The following SQSTM1 variants were observed in gnomAD, a reference collection of about 807,000 sequenced individuals.
The protein encoded by SQSTM1 is sequestosome 1.
Under a neutral mutation model 45.1 loss-of-function variants are expected in SQSTM1, and 36 were observed. That is an observed-to-expected ratio of 0.80 (90% CI 0.61 to 1.05). The LOEUF (loss-of-function observed/expected upper bound fraction) is 1.05, where lower values mean the gene tolerates loss of function less well. SQSTM1 is among the 50% of genes least tolerant of loss of function. The pLI, the probability that SQSTM1 is intolerant of heterozygous loss-of-function variation, is 0.00. For synonymous variants in SQSTM1, 290 were observed against 244.3 expected (o/e 1.19, Z -1.74); for missense variants, 617 against 607.1 (o/e 1.02, Z -0.17).
At chr5:179,829,514 T>A (rs544991358) in intron 5 of SQSTM1, among the ~76,000 whole-genome samples, 1 of 151,962 alleles carries the variant, frequency 6.6e-6, no homozygotes, top group Non-Finnish European at 1.5e-5. Flanking sequence ...CTCAGTGAGA[T>A]ACAAAAGAGC....
chr5:179,809,304 G>A (rs1286875905), intron 1 of SQSTM1, among the ~76,000 whole-genome samples: 24 of 130,854 alleles, frequency 1.8e-4, no homozygotes, highest in East Asian at 1.6e-3. Context: ...GATTATAGGC[G>A]CCCGCCACCA....
intron 1 of SQSTM1, chr5:179,807,529 C>T (rs1757227391): frequency 2.0e-5 from 3 of 152,372 alleles, no homozygotes; most frequent in Admixed American, 2.0e-4. Context: ...GAGAGCGCCG[C>T]TAACGGGAGC....
intron 7 of SQSTM1, chr5:179,836,167 G>A (rs867993461): frequency 3.5e-6 from 2 of 573,284 alleles, no homozygotes; most frequent in African/African-American, 1.9e-5. Context: ...TGTGACAGGT[G>A]AAATGCCTAT....
Position 179,823,108 on chromosome 5 carries a change from C to T in SQSTM1, c.301+55C>T, listed in dbSNP as rs1757845013. On this transcript the variant is annotated intron_variant, in intron 2 of 7. Transcript: ENST00000389805. ...GCCAGCTCAGCTTGTACTCAGTTCC[C>T]TGCTGAGTAAAAAACAGGGCTCGAT... is the stretch of plus-strand genomic sequence containing the variant. 4 of 1,506,098 alleles carry T rather than the reference C, an allele frequency of 2.7e-6. No homozygotes were observed. In the African/African-American group the frequency reaches 4.1e-5, roughly 15 times the overall value. 93.3% of individuals were successfully genotyped at this position (1,506,098 alleles called of 1,614,324 possible).
intron 7 of SQSTM1, chr5:179,835,442 G>A (rs35362296): frequency 1.3e-4 from 20 of 155,906 alleles, no homozygotes; most frequent in Middle Eastern, 3.3e-3. Context: ...CCGGCACCTC[G>A]GGAGGCCGAG....
At chr5:179,829,705 C>CGAGGAGAGGAAAGATAAAAAAAA (rs1336929991) in intron 5 of SQSTM1, among the ~76,000 whole-genome samples, 12 of 151,818 alleles carry the variant, frequency 7.9e-5, no homozygotes, top group South Asian at 2.1e-4. Context: ...TTCCTCTCCT[C>CGAGGAGAGGAAAGATAAAAAAAA]CTAATGTAGG....
At chr5:179,816,880 G>T (rs272450), upstream of SQSTM1, among the ~76,000 whole-genome samples, 10,964 of 152,226 alleles carry the variant, frequency 0.072, 696 homozygotes, top group African/African-American at 0.17. Context: ...CCGGCCACCC[G>T]GTGACGGAGG....
chr5:179,821,422 A>T, intron 1 of SQSTM1: 1 of 613,172 alleles, frequency 1.6e-6, no homozygotes, highest in Non-Finnish European at 3.0e-6. Context: ...GGGGCGTCAG[A>T]CGCCCCGCTC....
intron 5 of SQSTM1, among the ~76,000 whole-genome samples, chr5:179,832,151 C>G (rs1329819944): frequency 5.3e-5 from 8 of 152,010 alleles, no homozygotes; most frequent in Non-Finnish European, 1.2e-4. Flanking sequence ...AGGTACTGGT[C>G]CAGAGTAGGA....
At position 179,834,705 on chromosome 5, in the gene SQSTM1, T is replaced by G. The variant is rs573420058; in HGVS notation, c.1165+923T>G. ...TTTAACCCTGAGTGGACACAGCACA[T>G]GTTTCAGAGAGCACGGGGTTGGGGG... On this transcript the variant is annotated intron_variant, in intron 7 of 7. Transcript: ENST00000389805. Among the ~76,000 whole-genome samples the G allele has an allele frequency of 2.0e-4, 30 of 152,228 alleles. No homozygotes were observed. In the South Asian group the frequency reaches 4.2e-3, roughly 21 times the overall value.
chr5:179,836,719 C>T lies in SQSTM1; in HGVS notation c.*126C>T. Reference sequence around the variant, plus strand: ...TCTTCCAGGATCAGGGGTTAGGGTGCAAGAAGCCATTTAGGGCAGCAAAAC... The same window carrying T: ...TCTTCCAGGATCAGGGGTTAGGGTGTAAGAAGCCATTTAGGGCAGCAAAAC... On this transcript the variant is annotated 3_prime_UTR_variant, in exon 8 of 8. Coordinates refer to ENST00000389805, the MANE Select transcript of SQSTM1 (RefSeq NM_003900.5). The T allele has an allele frequency of 2.1e-6, 3 of 1,453,406 alleles. No individual in the cohort carries two copies. Among genetic ancestry groups the T allele is most frequent in the Admixed American group, 3.4e-5 (2 of 59,428 alleles). The allele number at this position is 1,453,406 out of a possible 1,614,324, so 90.0% of individuals were successfully genotyped here.
intron 1 of SQSTM1, chr5:179,822,700 G>T: frequency 2.0e-6 from 1 of 500,472 alleles, no homozygotes; most frequent in Admixed American, 3.2e-5. Flanking sequence ...AGCAGCCAAA[G>T]CTGCTGCCCC....
Position 179,833,822 on chromosome 5 carries a change from C to T in SQSTM1, c.1165+40C>T, listed in dbSNP as rs1272688998. Reference sequence around the variant, plus strand: ...AGGTTTTGTACATATTCCTACCTTTCCCTTTAGAGCATCCTGCCCTCCTCT... The same window carrying T: ...AGGTTTTGTACATATTCCTACCTTTTCCTTTAGAGCATCCTGCCCTCCTCT... On this transcript the variant is annotated intron_variant, in intron 7 of 7. Coordinates refer to ENST00000389805, the MANE Select transcript of SQSTM1 (RefSeq NM_003900.5). The T allele has an allele frequency of 2.5e-6, 4 of 1,603,514 alleles. No homozygotes were observed. In the East Asian group the frequency reaches 8.9e-5, roughly 36 times the overall value.
rs1005652425 is a variant in SQSTM1, at chr5:179,836,737, A to G, written c.*144A>G. 8.0e-6 allele frequency: 10 copies of G among 1,244,618 alleles called. No homozygotes were observed. Among genetic ancestry groups the G allele is most frequent in the African/African-American group, 5.9e-5 (4 of 67,772 alleles). The allele number at this position is 1,244,618 out of a possible 1,614,324, so 77.1% of individuals were successfully genotyped here. On this transcript the variant is annotated 3_prime_UTR_variant, in exon 8 of 8. Transcript: ENST00000389805. ...TAGGGTGCAAGAAGCCATTTAGGGCAGCAAAACAAGTGACATGAAGGGAGG... is the reference window on the plus strand; with the variant it reads ...TAGGGTGCAAGAAGCCATTTAGGGCGGCAAAACAAGTGACATGAAGGGAGG...
chr5:179,821,047 T>G lies in SQSTM1; in HGVS notation c.111T>G (p.Ala37=). ...CSPEPEAEAE[A]AAGPGPCERL... Reference sequence around the variant, plus strand: ...CCGAGCCTGAGGCGGAAGCCGAGGCTGCGGCGGGTCCGGGACCCTGCGAGC... The same window carrying G: ...CCGAGCCTGAGGCGGAAGCCGAGGCGGCGGCGGGTCCGGGACCCTGCGAGC... Residue 37 remains alanine, a synonymous_variant, in exon 1 of 8, where the codon GCT becomes GCG. Transcript: ENST00000389805. 6.5e-7 allele frequency: 1 copy of G among 1,542,498 alleles called. No homozygotes were observed. The highest frequency in any genetic ancestry group is 1.2e-5 in the South Asian group (1 of 84,606).
rs374417389 is a variant in SQSTM1 at position 179,823,985 on chromosome 5, C to T, written c.429C>T (p.Ser143=). The T allele has an allele frequency of 6.2e-6, 10 of 1,614,042 alleles. No homozygotes were observed. Among genetic ancestry groups the T allele is most frequent in the East Asian group, 2.2e-5 (1 of 44,880 alleles). ...TGGTAGGAACCCGCTACAAGTGCAGCGTCTGCCCAGACTACGACTTGTGTA... is the reference window on the plus strand; with the variant it reads ...TGGTAGGAACCCGCTACAAGTGCAGTGTCTGCCCAGACTACGACTTGTGTA... ...GPVVGTRYKC[S]VCPDYDLCSV... is the part of the protein sequence containing the mutation. Residue 143 remains serine, a synonymous_variant, in exon 3 of 8, where the codon AGC becomes AGT. Coordinates refer to ENST00000389805, the MANE Select transcript of SQSTM1 (RefSeq NM_003900.5).
Position 179,823,065 on chromosome 5 carries a change from C to G in SQSTM1, c.301+12C>G, listed in dbSNP as rs141530539. On this transcript the variant is annotated intron_variant, in intron 2 of 7. Transcript: ENST00000389805. ...AATCTACATTAAAGGTAAGGGGCTG[C>G]TCTGGGGGCTGCCTGAAGCCAGCTC... 1.6e-4 allele frequency: 256 copies of G among 1,611,906 alleles called. 3 individuals are homozygous for G. The East Asian group carries it at 5.3e-3, about 34-fold the overall frequency.
intron 5 of SQSTM1, among the ~76,000 whole-genome samples, chr5:179,830,053 G>A (rs567138580): frequency 6.6e-5 from 10 of 152,164 alleles, no homozygotes; most frequent in Non-Finnish European, 1.0e-4. Flanking sequence ...AGGGTGCAAC[G>A]AGCCTGGATT....
Position 179,826,165 on chromosome 5 carries a change from C to T in SQSTM1, c.754+939C>T, listed in dbSNP as rs778292239. ...CCATCTGCTCCAACTTTGCTCATTCCGATTTTTTTTTTTTTTTGAGATGGA... is the reference window on the plus strand; with the variant it reads ...CCATCTGCTCCAACTTTGCTCATTCTGATTTTTTTTTTTTTTTGAGATGGA... On this transcript the variant is annotated intron_variant, in intron 5 of 7. Transcript: ENST00000389805. Among the ~76,000 whole-genome samples the T allele has an allele frequency of 3.3e-5, 5 of 151,352 alleles. No individual in the cohort carries two copies. In the East Asian group the frequency reaches 5.8e-4, roughly 18 times the overall value.
Sources: allele counts gnomAD v4.1 joint callset (sites outside exome capture counted in the v4.1 genomes callset), GRCh38; gene constraint gnomAD v4.1.1; transcripts MANE v1.5; gene names NCBI Gene and HGNC (gene_info 2026-07-23, HGNC 2026-07-21).